The following TOX variants were observed in gnomAD, a reference collection of about 807,000 sequenced individuals.
TOX encodes the protein thymocyte selection-associated high mobility group box protein TOX.
A neutral mutation model predicts 53.7 loss-of-function variants in TOX; 11 were observed. The observed-to-expected ratio is 0.20, with a 90% confidence interval of 0.13 to 0.34. The LOEUF is 0.34. Among genes scored for constraint, TOX ranks in the 10% least tolerant of loss-of-function variants. The pLI is 1.00. For missense variants in TOX, 570 were observed against 664.6 expected (o/e 0.86, Z 1.56); for synonymous variants, 225 against 245.3 (o/e 0.92, Z 0.77).
At chr8:58,840,964 C>T (rs1810632944) in intron 4 of TOX, among the ~76,000 whole-genome samples, 1 of 152,172 alleles carries the variant, frequency 6.6e-6, no homozygotes, top group Non-Finnish European at 1.5e-5. Context: ...TTTCCAGAAT[C>T]ATTTTAGGGT....
At chr8:58,939,209 C>A in intron 3 of TOX, 93 bp downstream of exon 3, 1 of 1,473,072 alleles carries the variant, frequency 6.8e-7, no homozygotes, top group Non-Finnish European at 9.2e-7. Flanking sequence ...TTTCAGAATG[C>A]TATTATCACA....
chr8:59,054,156 G>A (rs1803842622), intron 1 of TOX, among the ~76,000 whole-genome samples: 1 of 152,114 alleles, frequency 6.6e-6, no homozygotes, highest in Non-Finnish European at 1.5e-5. Context: ...AGCTACATAT[G>A]CATAATGCCA....
At chr8:58,815,303 G>T in intron 7 of TOX, 35 bp downstream of exon 7, 2 of 1,555,140 alleles carry the variant, frequency 1.3e-6, no homozygotes, top group Non-Finnish European at 1.7e-6. Flanking sequence ...TCAGAATAGG[G>T]GTGCACACTC....
chr8:58,987,208 G>C (rs1399818145), intron 1 of TOX, among the ~76,000 whole-genome samples: 1 of 152,182 alleles, frequency 6.6e-6, no homozygotes, highest in Admixed American at 6.5e-5. Context: ...TAGTGTTCCA[G>C]ATGCATTTGA....
chr8:58,999,359 C>T (rs976689616), intron 1 of TOX, among the ~76,000 whole-genome samples: 1 of 151,356 alleles, frequency 6.6e-6, no homozygotes, highest in Non-Finnish European at 1.5e-5. Context: ...AGCACTATGA[C>T]CTGAAAAAGG....
At chr8:58,862,242 A>C (rs1262562815) in intron 3 of TOX, among the ~76,000 whole-genome samples, 2 of 152,110 alleles carry the variant, frequency 1.3e-5, no homozygotes, top group Admixed American at 1.3e-4. Context: ...AAAGTGTCTG[A>C]CTCTGTAAGT....
At chr8:59,075,560 C>T (rs937706193) in intron 1 of TOX, among the ~76,000 whole-genome samples, 12 of 152,188 alleles carry the variant, frequency 7.9e-5, no homozygotes, top group Non-Finnish European at 1.5e-4. Flanking sequence ...TCAGCTTGAA[C>T]ATATTTGTAA....
chr8:58,955,518 A>G (rs1460183738), intron 2 of TOX, among the ~76,000 whole-genome samples: 2 of 152,188 alleles, frequency 1.3e-5, no homozygotes, highest in Non-Finnish European at 2.9e-5. Flanking sequence ...AGTTCAATCA[A>G]GTAACCTGAG....
chr8:58,910,301 A>AT (rs200155841), intron 3 of TOX, among the ~76,000 whole-genome samples: 7 of 151,664 alleles, frequency 4.6e-5, no homozygotes, highest in South Asian at 2.1e-4. Context: ...GATTTTCCGC[A>AT]TTTTTTTTTA....
chr8:59,101,976 T>G (rs1209308891), intron 1 of TOX, among the ~76,000 whole-genome samples: 1 of 152,136 alleles, frequency 6.6e-6, no homozygotes, highest in Non-Finnish European at 1.5e-5. Flanking sequence ...AGAAGCCCAC[T>G]GTGGGCAGGT....
intron 3 of TOX, among the ~76,000 whole-genome samples, chr8:58,927,584 C>T (rs1216880500): frequency 1.7e-4 from 26 of 152,182 alleles, no homozygotes; most frequent in Admixed American, 1.6e-3. Flanking sequence ...TGTAAAACAC[C>T]TAGCCCAGGA....
At chr8:59,053,487 T>A (rs1306391146) in intron 1 of TOX, among the ~76,000 whole-genome samples, 1 of 152,244 alleles carries the variant, frequency 6.6e-6, no homozygotes, top group African/African-American at 2.4e-5. Flanking sequence ...TCTTGACTGT[T>A]GTTTCATTCC....
At chr8:59,061,171 G>A (rs1453434904) in intron 1 of TOX, among the ~76,000 whole-genome samples, 2 of 152,168 alleles carry the variant, frequency 1.3e-5, no homozygotes, top group Admixed American at 6.5e-5. Context: ...TTACAAAATT[G>A]TAAACCAAAT....
intron 3 of TOX, among the ~76,000 whole-genome samples, chr8:58,864,412 T>TA (rs1032097325): frequency 6.6e-6 from 1 of 152,028 alleles, no homozygotes; most frequent in Non-Finnish European, 1.5e-5. Flanking sequence ...AAAACAAAAA[T>TA]AAAAAATACA....
In TOX at chr8:58,905,864, C is replaced by T. The variant is rs551941340; in HGVS notation, c.411+33438G>A. Among the ~76,000 whole-genome samples the T allele has an allele frequency of 8.5e-5, 13 of 152,256 alleles. No homozygotes were observed. In the South Asian group the frequency reaches 2.3e-3, roughly 27 times the overall value. On this transcript the variant is annotated intron_variant, in intron 3 of 8. Coordinates refer to ENST00000361421, the MANE Select transcript of TOX (RefSeq NM_014729.3). ...TCTGAATGTTCTTTATGAAGATCGG[C>T]GATGCATTGTCACAATCGTGCCAAA...
intron 3 of TOX, among the ~76,000 whole-genome samples, chr8:58,894,946 T>C (rs1811617013): frequency 6.7e-6 from 1 of 150,002 alleles, no homozygotes; most frequent in South Asian, 2.1e-4. Context: ...TCCCAGCACT[T>C]TGGGAGGCGG....
At chr8:58,913,807 T>C (rs1361725571) in intron 3 of TOX, among the ~76,000 whole-genome samples, 3 of 132,732 alleles carry the variant, frequency 2.3e-5, no homozygotes, top group Non-Finnish European at 5.1e-5. Flanking sequence ...TGCCGGATTT[T>C]TAGATGCTTG....
At chr8:59,015,174 T>A (rs1813984126) in intron 1 of TOX, among the ~76,000 whole-genome samples, 1 of 152,226 alleles carries the variant, frequency 6.6e-6, no homozygotes, top group East Asian at 1.9e-4. Flanking sequence ...ATCAGGCAGT[T>A]CCCTGGTAAC....
intron 1 of TOX, among the ~76,000 whole-genome samples, chr8:59,110,258 C>A (rs1406878867): frequency 1.3e-5 from 2 of 152,050 alleles, no homozygotes; most frequent in East Asian, 1.9e-4. Context: ...ACTGCATCTG[C>A]CAAATGATAA....
Sources: gnomAD v4.1 joint callset for allele counts (sites outside exome capture counted in the v4.1 genomes callset) on GRCh38, gnomAD v4.1.1 for gene constraint, MANE v1.5 for transcripts, NCBI Gene and HGNC (gene_info 2026-07-23, HGNC 2026-07-21) for gene names.